The following TSSK2 variants were observed in gnomAD, a reference collection of about 807,000 sequenced individuals.
The protein encoded by TSSK2 is testis specific serine kinase 2, also known as testis-specific serine/threonine-protein kinase 2.
Under a neutral mutation model 14.2 loss-of-function variants are expected in TSSK2, and 5 were observed. The ratio of observed to expected loss-of-function variants is 0.35; its 90% CI spans 0.18 to 0.74. The LOEUF (loss-of-function observed/expected upper bound fraction) is 0.74, where lower values mean the gene tolerates loss of function less well. TSSK2 is among the 30% of genes least tolerant of loss of function. The pLI is 0.56. For synonymous variants in TSSK2, 209 were observed against 201.9 expected, an observed-to-expected ratio of 1.04 and a Z score of -0.30; for missense variants, 439 against 491.1, an observed-to-expected ratio of 0.89 and a Z score of 1.00.
In TSSK2 at chr22:19,131,832, G is replaced by A. The variant is rs1300424021; in HGVS notation, c.433G>A (p.Asp145Asn). 4.3e-6 allele frequency: 7 copies of A among 1,614,050 alleles called. No homozygotes were observed. Among genetic ancestry groups the A allele is most frequent in the South Asian group, 1.1e-5 (1 of 91,062 alleles). ...RDLKCENLLLDKDFNIKLSDF... is the reference protein window; with the variant it reads ...RDLKCENLLLNKDFNIKLSDF... ...CCTCAAGTGCGAGAACCTTCTCCTCGACAAGGACTTCAACATCAAGCTGTC... is the reference window on the plus strand; with the variant it reads ...CCTCAAGTGCGAGAACCTTCTCCTCAACAAGGACTTCAACATCAAGCTGTC... Residue 145 changes from aspartate to asparagine, a missense_variant, in exon 1 of 1, where the codon GAC (aspartate) becomes AAC (asparagine). By Grantham distance (23) the Asp-to-Asn change is conservative. Coordinates refer to ENST00000399635, the MANE Select transcript of TSSK2 (RefSeq NM_053006.5). The surrounding 1 kb of genome is among the most constrained non-coding windows in gnomAD (Gnocchi z 5.7).
At position 19,131,676 on chromosome 22, in the gene TSSK2, G is replaced by C; in HGVS notation, c.277G>C (p.Gly93Arg). Reference sequence around the variant, plus strand: ...ACGGATCTACATCATCATGGAGCTTGGCGTCCAGGGCGACCTCCTCGAGTT... The same window carrying C: ...ACGGATCTACATCATCATGGAGCTTCGCGTCCAGGGCGACCTCCTCGAGTT... ...DGRIYIIMEL[G>R]VQGDLLEFIK... Residue 93 changes from glycine (G) to arginine (R), a missense_variant, in exon 1 of 1, where the codon GGC (glycine) becomes CGC (arginine). Gly to Arg is a moderately radical substitution (Grantham distance 125). Transcript: ENST00000399635. This position sits in a 1 kb window ranked among gnomAD's most constrained non-coding sequence, Gnocchi z 5.7. 1 of 1,614,068 alleles carries C rather than the reference G, an allele frequency of 6.2e-7. No homozygotes were observed. The highest frequency in any genetic ancestry group is 8.5e-7 in the Non-Finnish European group (1 of 1,180,018).
In TSSK2 at chr22:19,132,413, C is replaced by T. The variant is rs777385407; in HGVS notation, c.1014C>T (p.Ala338=). The T allele has an allele frequency of 1.1e-5, 18 of 1,612,740 alleles. No homozygotes were observed. In the African/African-American group the frequency reaches 1.6e-4, roughly 14 times the overall value. Residue 338 remains alanine (A), a synonymous_variant, in exon 1 of 1, where the codon GCC becomes GCT. Transcript: ENST00000399635. This position sits in a 1 kb window ranked among gnomAD's most constrained non-coding sequence, Gnocchi z 4.2. ...ENENRMEDRL[A]ETSRAKDHHI... Reference sequence around the variant, plus strand: ...AGAACAGGATGGAGGACAGGCTGGCCGAGACCTCCAGGGCCAAAGACCATC... The same window carrying T: ...AGAACAGGATGGAGGACAGGCTGGCTGAGACCTCCAGGGCCAAAGACCATC...
chr22:19,132,328 G>A lies in TSSK2; in HGVS notation c.929G>A (p.Arg310Gln), dbSNP rs373650594. The stretch of plus-strand genomic sequence containing the variant: ...AAGACAGGCTTGAGGCCCGACCACC[G>A]GCCCGACCACAAGCTTGGAGCCAAA... Reference protein sequence around the residue: ...DTKTGLRPDHRPDHKLGAKTQ... With the variant: ...DTKTGLRPDHQPDHKLGAKTQ... Residue 310 changes from arginine (R) to glutamine (Q), a missense_variant, in exon 1 of 1, where the codon CGG (arginine) becomes CAG (glutamine). Physicochemically the swap from Arg to Gln is conservative, Grantham distance 43. Coordinates refer to ENST00000399635, the MANE Select transcript of TSSK2 (RefSeq NM_053006.5). The surrounding 1 kb of genome is among the most constrained non-coding windows in gnomAD (Gnocchi z 4.2). 59 of 1,612,756 alleles carry A rather than the reference G, an allele frequency of 3.7e-5. No homozygotes were observed. In the East Asian group the frequency reaches 4.5e-4, roughly 12 times the overall value.
chr22:19,132,199 T>C lies in TSSK2; in HGVS notation c.800T>C (p.Leu267Pro). 6.2e-7 allele frequency: 1 copy of C among 1,612,768 alleles called. No individual in the cohort carries two copies. Among genetic ancestry groups the C allele is most frequent in the East Asian group, 2.2e-5 (1 of 44,844 alleles). Residue 267 changes from leucine (L) to proline (P), a missense_variant, in exon 1 of 1, where the codon CTC (leucine) becomes CCC (proline). Transcript: ENST00000399635. The surrounding 1 kb of genome is among the most constrained non-coding windows in gnomAD (Gnocchi z 4.2). ...VSQRLHIDEI[L>P]SHSWLQPPKP... is the part of the protein sequence containing the mutation. The stretch of plus-strand genomic sequence containing the variant: ...CAGCGGCTCCACATCGATGAGATCC[T>C]CAGCCACTCGTGGCTGCAGCCCCCC...
chr22:19,131,315 T>C lies in TSSK2; in HGVS notation c.-85T>C. ...GCCCAGGGCAGCCCAGCCAGACGCC[T>C]CCGGTAGTGTAAATGAGGACAATGC... On this transcript the variant is annotated 5_prime_UTR_variant, in exon 1 of 1. Transcript: ENST00000399635. This position sits in a 1 kb window ranked among gnomAD's most constrained non-coding sequence, Gnocchi z 5.7. 7.9e-7 allele frequency: 1 copy of C among 1,268,896 alleles called. No individual in the cohort carries two copies. Among genetic ancestry groups the C allele is most frequent in the South Asian group, 1.4e-5 (1 of 69,924 alleles). The allele number at this position is 1,268,896 out of a possible 1,614,324, so 78.6% of individuals were successfully genotyped here.
Position 19,132,383 on chromosome 22 carries a change from G to A in TSSK2, c.984G>A (p.Glu328=). ...AGCACCGGCTGCTGGTGGTGCCCGA[G>A]AACGAGAACAGGATGGAGGACAGGC... is the stretch of plus-strand genomic sequence containing the variant. ...KTQHRLLVVP[E]NENRMEDRLA... is the part of the protein sequence containing the mutation. The change falls in exon 1 of 1, where the codon GAG becomes GAA. Residue 328 remains glutamate (E), a synonymous_variant. Transcript: ENST00000399635. The surrounding 1 kb of genome is among the most constrained non-coding windows in gnomAD (Gnocchi z 4.2). The A allele has an allele frequency of 6.2e-7, 1 of 1,613,180 alleles. No individual in the cohort carries two copies. Among genetic ancestry groups the A allele is most frequent in the South Asian group, 1.1e-5 (1 of 91,076 alleles).
Position 19,132,335 on chromosome 22 carries a change from C to T in TSSK2, c.936C>T (p.Asp312=). 1 of 1,613,010 alleles carries T rather than the reference C, an allele frequency of 6.2e-7. No homozygotes were observed. The highest frequency in any genetic ancestry group is 8.5e-7 in the Non-Finnish European group (1 of 1,179,982). The change falls in exon 1 of 1, where the codon GAC becomes GAT. Residue 312 remains aspartate, a synonymous_variant. Transcript: ENST00000399635. The surrounding 1 kb of genome is among the most constrained non-coding windows in gnomAD (Gnocchi z 4.2). Reference sequence around the variant, plus strand: ...GCTTGAGGCCCGACCACCGGCCCGACCACAAGCTTGGAGCCAAAACCCAGC... The same window carrying T: ...GCTTGAGGCCCGACCACCGGCCCGATCACAAGCTTGGAGCCAAAACCCAGC... ...KTGLRPDHRP[D]HKLGAKTQHR...
At position 19,132,486 on chromosome 22, in the gene TSSK2, G is replaced by A; in HGVS notation, c.*10G>A. ...GAAAGCAAGCACCTAGCATGACAATGGCCCCGTTGTGTGTGGTGGGGGTCG... is the reference window on the plus strand; with the variant it reads ...GAAAGCAAGCACCTAGCATGACAATAGCCCCGTTGTGTGTGGTGGGGGTCG... On this transcript the variant is annotated 3_prime_UTR_variant, in exon 1 of 1. Coordinates refer to ENST00000399635, the MANE Select transcript of TSSK2 (RefSeq NM_053006.5). This position sits in a 1 kb window ranked among gnomAD's most constrained non-coding sequence, Gnocchi z 4.2. The A allele has an allele frequency of 6.3e-7, 1 of 1,595,502 alleles. No individual in the cohort carries two copies. The highest frequency in any genetic ancestry group is 8.6e-7 in the Non-Finnish European group (1 of 1,168,950).
In TSSK2 at chr22:19,132,363, C is replaced by T. The variant is rs745355051; in HGVS notation, c.964C>T (p.Arg322Trp). The T allele has an allele frequency of 2.4e-5, 39 of 1,613,044 alleles. No individual in the cohort carries two copies. Among genetic ancestry groups the T allele is most frequent in the Admixed American group, 6.7e-5 (4 of 59,992 alleles). The change falls in exon 1 of 1, where the codon CGG becomes TGG. Residue 322 changes from arginine to tryptophan, a missense_variant. Physicochemically the swap from Arg to Trp is moderately radical, Grantham distance 101. Transcript: ENST00000399635. This position sits in a 1 kb window ranked among gnomAD's most constrained non-coding sequence, Gnocchi z 4.2. ...CAAGCTTGGAGCCAAAACCCAGCAC[C>T]GGCTGCTGGTGGTGCCCGAGAACGA... ...DHKLGAKTQHRLLVVPENENR... is the reference protein window; with the variant it reads ...DHKLGAKTQHWLLVVPENENR...
chr22:19,132,462 AAAGCAAGC>A lies in TSSK2; in HGVS notation c.1065_1072del (p.Lys355AsnfsTer4), dbSNP rs1439263281. 1.9e-6 allele frequency: 3 copies of A among 1,609,762 alleles called. No individual in the cohort carries two copies. The South Asian group carries it at 3.3e-5, about 18-fold the overall frequency. Reference sequence around the variant, plus strand: ...TCACATCTCCGGAGCTGAGGTGGGGAAAGCAAGCACCTAGCATGACAATGGCCCCGTTG... The same window carrying A: ...TCACATCTCCGGAGCTGAGGTGGGGAACCTAGCATGACAATGGCCCCGTTG... On this transcript the variant is annotated frameshift_variant, in exon 1 of 1. Coordinates refer to ENST00000399635, the MANE Select transcript of TSSK2 (RefSeq NM_053006.5). LOFTEE classifies it high-confidence loss of function. The surrounding 1 kb of genome is among the most constrained non-coding windows in gnomAD (Gnocchi z 4.2).
At position 19,132,204 on chromosome 22, in the gene TSSK2, C is replaced by T; in HGVS notation, c.805C>T (p.His269Tyr). The part of the protein sequence containing the change: ...QRLHIDEILS[H>Y]SWLQPPKPKA... The stretch of plus-strand genomic sequence containing the variant: ...GCTCCACATCGATGAGATCCTCAGC[C>T]ACTCGTGGCTGCAGCCCCCCAAGCC... Residue 269 changes from histidine to tyrosine, a missense_variant, in exon 1 of 1, where the codon CAC becomes TAC. By Grantham distance (83) the His-to-Tyr change is moderately conservative (BLOSUM62 2). Coordinates refer to ENST00000399635, the MANE Select transcript of TSSK2 (RefSeq NM_053006.5). The surrounding 1 kb of genome is among the most constrained non-coding windows in gnomAD (Gnocchi z 4.2). 6.2e-7 allele frequency: 1 copy of T among 1,612,648 alleles called. No individual in the cohort carries two copies. Among genetic ancestry groups the T allele is most frequent in the Non-Finnish European group, 8.5e-7 (1 of 1,178,916 alleles).
At position 19,131,845 on chromosome 22, in the gene TSSK2, A is replaced by G; in HGVS notation, c.446A>G (p.Asn149Ser). The change falls in exon 1 of 1, where the codon AAC becomes AGC. Residue 149 changes from asparagine (N) to serine (S), a missense_variant. Transcript: ENST00000399635. The surrounding 1 kb of genome is among the most constrained non-coding windows in gnomAD (Gnocchi z 5.7). ...AACCTTCTCCTCGACAAGGACTTCAACATCAAGCTGTCTGACTTTGGCTTC... is the reference window on the plus strand; with the variant it reads ...AACCTTCTCCTCGACAAGGACTTCAGCATCAAGCTGTCTGACTTTGGCTTC... ...CENLLLDKDF[N>S]IKLSDFGFSK... 6.2e-7 allele frequency: 1 copy of G among 1,614,122 alleles called. No homozygotes were observed. Among genetic ancestry groups the G allele is most frequent in the Non-Finnish European group, 8.5e-7 (1 of 1,180,012 alleles).
At position 19,131,530 on chromosome 22, in the gene TSSK2, A is replaced by G. The variant is rs778976117; in HGVS notation, c.131A>G (p.Asp44Gly). The G allele has an allele frequency of 4.3e-6, 7 of 1,614,038 alleles. No individual in the cohort carries two copies. Among genetic ancestry groups the G allele is most frequent in the Admixed American group, 1.7e-5 (1 of 60,002 alleles). The change falls in exon 1 of 1, where the codon GAC (aspartate) becomes GGC (glycine). Residue 44 changes from aspartate (D) to glycine (G), a missense_variant. By Grantham distance (94) the Asp-to-Gly change is moderately conservative. Transcript: ENST00000399635. The surrounding 1 kb of genome is among the most constrained non-coding windows in gnomAD (Gnocchi z 5.7). Reference sequence around the variant, plus strand: ...TTCAATGTGGCTGTCAAGATCATCGACCGCAAGAAAACACCTACTGACTTT... The same window carrying G: ...TTCAATGTGGCTGTCAAGATCATCGGCCGCAAGAAAACACCTACTGACTTT... ...LKFNVAVKII[D>G]RKKTPTDFVE... is the part of the protein sequence containing the mutation.
rs897666956 is a variant in TSSK2 at position 19,132,118 on chromosome 22, A to G, written c.719A>G (p.Asn240Ser). ...EHRVDFPRSK[N>S]LTCECKDLIY... ...CGTGTGGACTTCCCGCGCTCCAAGA[A>G]CCTGACCTGCGAGTGCAAGGACCTC... Residue 240 changes from asparagine (N) to serine (S), a missense_variant, in exon 1 of 1, where the codon AAC becomes AGC. Transcript: ENST00000399635. This position sits in a 1 kb window ranked among gnomAD's most constrained non-coding sequence, Gnocchi z 4.2. 1.2e-6 allele frequency: 2 copies of G among 1,612,550 alleles called. No individual in the cohort carries two copies.
At position 19,131,828 on chromosome 22, in the gene TSSK2, C is replaced by T; in HGVS notation, c.429C>T (p.Leu143=). The change falls in exon 1 of 1, where the codon CTC becomes CTT. Residue 143 remains leucine, a synonymous_variant. Transcript: ENST00000399635. The surrounding 1 kb of genome is among the most constrained non-coding windows in gnomAD (Gnocchi z 5.7). The part of the protein sequence containing the change: ...VHRDLKCENL[L]LDKDFNIKLS... ...GGGACCTCAAGTGCGAGAACCTTCT[C>T]CTCGACAAGGACTTCAACATCAAGC... 2 of 1,614,194 alleles carry T rather than the reference C, an allele frequency of 1.2e-6. No homozygotes were observed. The highest frequency in any genetic ancestry group is 1.7e-6 in the Non-Finnish European group (2 of 1,180,044).
At position 19,131,447 on chromosome 22, in the gene TSSK2, C is replaced by CAATCTTGGCAAGGGTTCCT; in HGVS notation, c.50_68dup (p.Tyr23Ter). The CAATCTTGGCAAGGGTTCCT allele has an allele frequency of 6.2e-7, 1 of 1,613,918 alleles. No individual in the cohort carries two copies. The highest frequency in any genetic ancestry group is 8.5e-7 in the Non-Finnish European group (1 of 1,179,888). ...GGAAGAAGGGTTACATCGTAGGCAT[C>CAATCTTGGCAAGGGTTCCT]AATCTTGGCAAGGGTTCCTACGCAA... is the stretch of plus-strand genomic sequence containing the variant. On this transcript the variant is annotated frameshift_variant, in exon 1 of 1. Coordinates refer to ENST00000399635, the MANE Select transcript of TSSK2 (RefSeq NM_053006.5). LOFTEE classifies it high-confidence loss of function. This position sits in a 1 kb window ranked among gnomAD's most constrained non-coding sequence, Gnocchi z 5.7.
Position 19,131,502 on chromosome 22 carries a change from A to G in TSSK2, c.103A>G (p.Lys35Glu). 1 of 1,614,126 alleles carries G rather than the reference A, an allele frequency of 6.2e-7. No homozygotes were observed. Among genetic ancestry groups the G allele is most frequent in the Non-Finnish European group, 8.5e-7 (1 of 1,180,020 alleles). Residue 35 changes from lysine to glutamate, a missense_variant, in exon 1 of 1, where the codon AAG becomes GAG. By Grantham distance (56) the Lys-to-Glu change is moderately conservative. Transcript: ENST00000399635. The surrounding 1 kb of genome is among the most constrained non-coding windows in gnomAD (Gnocchi z 5.7). ...CAAATCTGCCTACTCTGAGCGCCTC[A>G]AGTTCAATGTGGCTGTCAAGATCAT... ...KVKSAYSERL[K>E]FNVAVKIIDR...
rs897654067 is a variant in TSSK2 at position 19,131,932 on chromosome 22, C to A, written c.533C>A (p.Ser178Ter). The A allele has an allele frequency of 1.9e-6, 3 of 1,613,976 alleles. No homozygotes were observed. Among genetic ancestry groups the A allele is most frequent in the Non-Finnish European group, 2.5e-6 (3 of 1,179,974 alleles). Residue 178 changes from serine (S) to a stop codon, truncating the protein, a stop_gained, in exon 1 of 1, where the codon TCG (serine) becomes TAG (stop). Coordinates refer to ENST00000399635, the MANE Select transcript of TSSK2 (RefSeq NM_053006.5). LOFTEE classifies it high-confidence loss of function. The surrounding 1 kb of genome is among the most constrained non-coding windows in gnomAD (Gnocchi z 5.7). ...ATCCTCAGCAAGACCTTCTGCGGGT[C>A]GGCAGCATATGCAGCCCCCGAGGTG... ...RIILSKTFCG[S>*]AAYAAPEVLQ...
chr22:19,132,084 A>G lies in TSSK2; in HGVS notation c.685A>G (p.Lys229Glu). Residue 229 changes from lysine to glutamate, a missense_variant, in exon 1 of 1, where the codon AAG becomes GAG. By Grantham distance (56) the Lys-to-Glu change is moderately conservative (BLOSUM62 1). Transcript: ENST00000399635. The surrounding 1 kb of genome is among the most constrained non-coding windows in gnomAD (Gnocchi z 4.2). Reference protein sequence around the residue: ...SDIRKMLRIQKEHRVDFPRSK... With the variant: ...SDIRKMLRIQEEHRVDFPRSK... ...CATCAGGAAGATGCTGCGTATCCAG[A>G]AGGAGCACCGTGTGGACTTCCCGCG... is the stretch of plus-strand genomic sequence containing the variant. 1 of 1,613,228 alleles carries G rather than the reference A, an allele frequency of 6.2e-7. No homozygotes were observed. The highest frequency in any genetic ancestry group is 8.5e-7 in the Non-Finnish European group (1 of 1,179,280).
Sources: gnomAD v4.1 joint callset for allele counts on GRCh38, gnomAD v4.1.1 for gene constraint, Gnocchi (gnomAD v3.1) non-coding constraint, MANE v1.5 for transcripts, NCBI Gene and HGNC (gene_info 2026-07-23, HGNC 2026-07-21) for gene names.